The following GNPTAB variants were observed in gnomAD, a reference collection of about 807,000 sequenced individuals.
GNPTAB encodes the protein N-acetylglucosamine-1-phosphotransferase subunits alpha/beta.
A neutral mutation model predicts 136.6 loss-of-function variants in GNPTAB; 92 were observed. The ratio of observed to expected loss-of-function variants is 0.67; its 90% CI spans 0.57 to 0.80. The LOEUF (loss-of-function observed/expected upper bound fraction) is 0.80. Among genes scored for constraint, GNPTAB ranks in the 30% least tolerant of loss-of-function variants. The pLI is 0.00. For synonymous variants in GNPTAB, 512 were observed against 535.1 expected (o/e 0.96, Z 0.60); for missense variants, 1,343 against 1,501.8 (o/e 0.89, Z 1.75).
At chr12:101,815,765 A>G (rs544919549) in intron 1 of GNPTAB, among the ~76,000 whole-genome samples, 4 of 152,370 alleles carry the variant, frequency 2.6e-5, no homozygotes, top group African/African-American at 9.6e-5. Flanking sequence ...AAAAGAACTA[A>G]GCTTGAGGCA....
At chr12:101,786,841 G>A (rs1000184705) in intron 4 of GNPTAB, among the ~76,000 whole-genome samples, 2 of 152,110 alleles carry the variant, frequency 1.3e-5, no homozygotes, top group Admixed American at 6.6e-5. Context: ...ATAAAAAATT[G>A]TTCAACTTCC....
intron 1 of GNPTAB, among the ~76,000 whole-genome samples, chr12:101,827,663 G>A (rs895103388): frequency 1.3e-5 from 2 of 152,094 alleles, no homozygotes; most frequent in African/African-American, 4.8e-5. Context: ...CAAATTTACA[G>A]TTAACAATGA....
intron 5 of GNPTAB, among the ~76,000 whole-genome samples, chr12:101,782,057 C>A (rs977544264): frequency 6.6e-6 from 1 of 152,152 alleles, no homozygotes; most frequent in Non-Finnish European, 1.5e-5. Flanking sequence ...TCTTGCTGAA[C>A]CCTCTATCAA....
chr12:101,750,013 G>A (rs915115549), intron 19 of GNPTAB, among the ~76,000 whole-genome samples: 6 of 152,194 alleles, frequency 3.9e-5, no homozygotes, highest in African/African-American at 1.4e-4. Flanking sequence ...AAGGAAGGCA[G>A]GCAGTTTAGT....
At chr12:101,782,423 C>A (rs960201115) in intron 5 of GNPTAB, among the ~76,000 whole-genome samples, 1 of 151,954 alleles carries the variant, frequency 6.6e-6, no homozygotes, top group African/African-American at 2.4e-5. Flanking sequence ...TAAAGTACGT[C>A]GAATAAAAAA....
Position 101,746,781 on chromosome 12 carries a change from G to T in GNPTAB, c.*383C>A. On this transcript the variant is annotated 3_prime_UTR_variant, in exon 21 of 21. Transcript: ENST00000299314. ...GTGCAAAACTTTAGCAAAAGGCTTT[G>T]GAATGCAAAGACTGGAGCCTCTTAG... 5.8e-6 allele frequency: 1 copy of T among 172,412 alleles called. No individual in the cohort carries two copies. The highest frequency in any genetic ancestry group is 1.2e-5 in the Non-Finnish European group (1 of 80,818). The allele number at this position is 172,412 out of a possible 1,614,324, so 10.7% of individuals were successfully genotyped here.
intron 20 of GNPTAB, among the ~76,000 whole-genome samples, chr12:101,747,907 G>A (rs949288097): frequency 6.6e-6 from 1 of 152,006 alleles, no homozygotes; most frequent in African/African-American, 2.4e-5. Context: ...TATAGATAGA[G>A]GAAAGACTGC....
intron 1 of GNPTAB, among the ~76,000 whole-genome samples, chr12:101,804,499 G>A (rs1408052084): frequency 6.6e-6 from 1 of 152,200 alleles, no homozygotes; most frequent in Non-Finnish European, 1.5e-5. Context: ...CTACTCTGCA[G>A]CCAATGTTTG....
At chr12:101,766,693 T>A (rs548359432) in intron 11 of GNPTAB, among the ~76,000 whole-genome samples, 1 of 152,274 alleles carries the variant, frequency 6.6e-6, no homozygotes, top group Non-Finnish European at 1.5e-5. Flanking sequence ...GTTTTCAAGG[T>A]TGATGTGTAA....
chr12:101,788,745 A>C (rs1868815403), intron 3 of GNPTAB, among the ~76,000 whole-genome samples, 156 bp from the exon 4 acceptor site: 1 of 152,230 alleles, frequency 6.6e-6, no homozygotes, highest in African/African-American at 2.4e-5. Flanking sequence ...AAAGTCATAT[A>C]ACCTCTAACA....
At position 101,761,289 on chromosome 12, in the gene GNPTAB, C is replaced by T; in HGVS notation, c.2973G>A (p.Met991Ile). ...SFHKVRHSED[M>I]QFAFSYFYYL... ...AATAAAAATAAGAGAAGGCAAACTG[C>T]ATATCCTCAGAATGGCGCACTTTGT... The change falls in exon 15 of 21, where the codon ATG becomes ATA. Residue 991 changes from methionine to isoleucine, a missense_variant. Physicochemically the swap from Met to Ile is conservative, Grantham distance 10. Transcript: ENST00000299314. 6.2e-7 allele frequency: 1 copy of T among 1,614,120 alleles called. No individual in the cohort carries two copies. The highest frequency in any genetic ancestry group is 1.7e-5 in the Admixed American group (1 of 60,012).
At chr12:101,824,404 C>CTATATATATATATATATATATA (rs1566102959) in intron 1 of GNPTAB, among the ~76,000 whole-genome samples, 2 of 56,446 alleles carry the variant, frequency 3.5e-5, no homozygotes, top group African/African-American at 1.7e-4. Flanking sequence ...AGAAATTTCA[C>CTATATATATATATATATATATA]CATATATATA....
chr12:101,810,258 TAAGTA>T (rs1243651591), intron 1 of GNPTAB, among the ~76,000 whole-genome samples: 4 of 151,782 alleles, frequency 2.6e-5, no homozygotes, highest in African/African-American at 9.7e-5. Context: ...AAAATAATAA[TAAGTA>T]AATAAAACAA....
At chr12:101,788,430 C>G (rs2137147904) in intron 4 of GNPTAB, 118 bp downstream of exon 4, 1 of 744,094 alleles carries the variant, frequency 1.3e-6, no homozygotes, top group African/African-American at 1.8e-5. Flanking sequence ...AATTTGGGGT[C>G]AAAAACTATA....
intron 1 of GNPTAB, among the ~76,000 whole-genome samples, chr12:101,804,437 CAG>C (rs981424427): frequency 9.2e-5 from 14 of 152,004 alleles, no homozygotes; most frequent in African/African-American, 3.4e-4. Flanking sequence ...TTTTATTGCT[CAG>C]AGTTTTCAGA....
rs1174964007 is a variant in GNPTAB, at chr12:101,807,234, T to C, written c.118-10472A>G. On this transcript the variant is annotated intron_variant, in intron 1 of 20. Coordinates refer to ENST00000299314, the MANE Select transcript of GNPTAB (RefSeq NM_024312.5). ...AAGCATTTGACAATCCAACATTAAT[T>C]TATGATAAAAATGTTCAGCAAACTA... 2.6e-5 allele frequency among the ~76,000 whole-genome samples: 4 copies of C among 152,288 alleles called. No individual in the cohort carries two copies. In the South Asian group the frequency reaches 8.3e-4, roughly 32 times the overall value.
At chr12:101,794,004 G>C (rs1869139538) in intron 2 of GNPTAB, among the ~76,000 whole-genome samples, 1 of 152,080 alleles carries the variant, frequency 6.6e-6, no homozygotes, top group Non-Finnish European at 1.5e-5. Flanking sequence ...CCACCGCCCT[G>C]GCTAATTTTT....
intron 1 of GNPTAB, among the ~76,000 whole-genome samples, chr12:101,799,711 G>C (rs1433382807): frequency 7.5e-6 from 1 of 132,702 alleles, no homozygotes; most frequent in Non-Finnish European, 1.6e-5. Flanking sequence ...CTGAAGTCAG[G>C]AAGTACCTTG....
intron 18 of GNPTAB, among the ~76,000 whole-genome samples, chr12:101,754,916 C>T (rs188843777): frequency 5.9e-5 from 9 of 151,852 alleles, no homozygotes; most frequent in Middle Eastern, 6.8e-3. Flanking sequence ...AAAAATTATA[C>T]GGTTAAAAAA....
Sources: allele counts gnomAD v4.1 joint callset (sites outside exome capture counted in the v4.1 genomes callset), GRCh38; gene constraint gnomAD v4.1.1; transcripts MANE v1.5; gene names NCBI Gene and HGNC (gene_info 2026-07-23, HGNC 2026-07-21).